Variants in BNC2 observed in about 807,000 individuals in gnomAD.
BNC2 encodes the protein basonuclin zinc finger protein 2.
BNC2 carries 20 observed loss-of-function variants against 76.3 expected under a neutral mutation model. The observed-to-expected ratio is 0.26, with a 90% CI of 0.18 to 0.38. The LOEUF (loss-of-function observed/expected upper bound fraction) is 0.38. Ranked by LOEUF, BNC2 falls within the 10% of genes least tolerant of loss-of-function variation. The pLI, the probability that BNC2 is intolerant of heterozygous loss-of-function variation, is 1.00. For synonymous variants in BNC2, 582 were observed against 514.8 expected (o/e 1.13, Z -1.77); for missense variants, 1,382 against 1,399.8 (o/e 0.99, Z 0.20).
At chr9:16,656,513 G>A (rs1302802603) in intron 3 of BNC2, among the ~76,000 whole-genome samples, 2 of 152,128 alleles carry the variant, frequency 1.3e-5, no homozygotes, top group Non-Finnish European at 2.9e-5. Flanking sequence ...ATTTGCTGAG[G>A]TATAACTGGT....
chr9:16,857,003 A>T (rs1377557062), intron 1 of BNC2, among the ~76,000 whole-genome samples: 1 of 152,216 alleles, frequency 6.6e-6, no homozygotes, highest in African/African-American at 2.4e-5. Context: ...AGCATATATG[A>T]TTTTGTCAGT....
At chr9:16,710,765 G>C (rs944068972) in intron 3 of BNC2, among the ~76,000 whole-genome samples, 1 of 150,584 alleles carries the variant, frequency 6.6e-6, no homozygotes, top group Non-Finnish European at 1.5e-5. Context: ...ACTCACCTAA[G>C]GGGTTAAAAG....
At chr9:16,791,988 A>G (rs1309448313) in intron 1 of BNC2, among the ~76,000 whole-genome samples, 1 of 151,708 alleles carries the variant, frequency 6.6e-6, no homozygotes, top group Non-Finnish European at 1.5e-5. Context: ...TGTGGTCCCA[A>G]CTACTTGGGA....
intron 5 of BNC2, among the ~76,000 whole-genome samples, chr9:16,460,676 A>G (rs1438915720): frequency 6.6e-6 from 1 of 152,144 alleles, no homozygotes; most frequent in Admixed American, 6.6e-5. Context: ...TGAGGCATGG[A>G]GTCACAGAGC....
intron 5 of BNC2, among the ~76,000 whole-genome samples, chr9:16,449,248 T>G (rs755851531): frequency 6.6e-6 from 1 of 152,152 alleles, no homozygotes; most frequent in Non-Finnish European, 1.5e-5. Context: ...CGGTAGTCAT[T>G]TGGAGAGCTG....
At chr9:16,722,793 T>C (rs754388029) in intron 3 of BNC2, among the ~76,000 whole-genome samples, 1 of 152,208 alleles carries the variant, frequency 6.6e-6, no homozygotes, top group Non-Finnish European at 1.5e-5. Context: ...GAATACCATA[T>C]ATATAAACTG....
intron 5 of BNC2, among the ~76,000 whole-genome samples, chr9:16,459,884 G>C (rs910845991): frequency 6.6e-6 from 1 of 152,160 alleles, no homozygotes; most frequent in African/African-American, 2.4e-5. Flanking sequence ...TATGGCCACA[G>C]CTGCCAGCTA....
chr9:16,450,487 A>G lies in BNC2; in HGVS notation c.670-12963T>C, dbSNP rs781626390. Among the ~76,000 whole-genome samples, 31 of 152,226 alleles carry G rather than the reference A, an allele frequency of 2.0e-4. 1 individual carries two copies. The highest frequency in any genetic ancestry group is 7.2e-4 in the Admixed American group (11 of 15,270). On this transcript the variant is annotated intron_variant, in intron 5 of 6. Transcript: ENST00000380672. Reference sequence around the variant, plus strand: ...GTAAAATATTCAAAATGCTTCCACTATATGACACCAAGGTGGCTGATAACT... The same window carrying G: ...GTAAAATATTCAAAATGCTTCCACTGTATGACACCAAGGTGGCTGATAACT...
At chr9:16,656,839 G>A (rs1821944475) in intron 3 of BNC2, among the ~76,000 whole-genome samples, 1 of 152,098 alleles carries the variant, frequency 6.6e-6, no homozygotes, top group Non-Finnish European at 1.5e-5. Context: ...CCTCACAGAG[G>A]GAATCTTTAC....
At chr9:16,770,503 T>TATGA (rs1228961735) in intron 1 of BNC2, among the ~76,000 whole-genome samples, 2 of 152,132 alleles carry the variant, frequency 1.3e-5, no homozygotes, top group African/African-American at 4.8e-5. Flanking sequence ...AAATGACCCA[T>TATGA]ATGAATACTG....
chr9:16,778,604 TAAAAGG>T (rs1232822141), intron 1 of BNC2, among the ~76,000 whole-genome samples: 13 of 152,308 alleles, frequency 8.5e-5, no homozygotes, highest in African/African-American at 3.1e-4. Context: ...ATTTTGCAGA[TAAAAGG>T]CTCAAAAGGA....
In BNC2 at chr9:16,409,762, A is replaced by C. The variant is rs1371730398; in HGVS notation, c.*9227T>G. On this transcript the variant is annotated 3_prime_UTR_variant, in exon 7 of 7. Coordinates refer to ENST00000380672, the MANE Select transcript of BNC2 (RefSeq NM_017637.6). ...AAAACAAAAATAAAACCCTTGTTCA[A>C]GGTACATACAGTATTTAGGAAGCTA... 1 of 152,660 alleles carries C rather than the reference A, an allele frequency of 6.6e-6. No homozygotes were observed. The highest frequency in any genetic ancestry group is 1.5e-5 in the Non-Finnish European group (1 of 68,046). The allele number at this position is 152,660 out of a possible 1,614,324, so 9.5% of individuals were successfully genotyped here.
At chr9:16,829,873 C>G (rs140425749) in intron 1 of BNC2, among the ~76,000 whole-genome samples, 3,162 of 152,222 alleles carry the variant, frequency 0.021, 62 homozygotes, top group South Asian at 0.1. Flanking sequence ...AAATGCCCCC[C>G]TAAAGAAAAT....
chr9:16,609,280 A>G (rs1024210558), intron 3 of BNC2, among the ~76,000 whole-genome samples: 7 of 152,206 alleles, frequency 4.6e-5, no homozygotes, highest in Non-Finnish European at 1.0e-4. Flanking sequence ...TAAAACCCAC[A>G]GTATCCTCAA....
intron 1 of BNC2, among the ~76,000 whole-genome samples, chr9:16,811,624 C>A (rs143111771): frequency 6.7e-6 from 1 of 148,982 alleles, no homozygotes; most frequent in Non-Finnish European, 1.5e-5. Flanking sequence ...CATGGACTGA[C>A]TATTCAGTAC....
intron 1 of BNC2, among the ~76,000 whole-genome samples, chr9:16,837,356 T>A (rs1818730817): frequency 6.6e-6 from 1 of 151,826 alleles, no homozygotes; most frequent in African/African-American, 2.4e-5. Context: ...ATACAAAAAT[T>A]AGCCGAGCGT....
chr9:16,817,011 G>C (rs1158155717), intron 1 of BNC2, among the ~76,000 whole-genome samples: 1 of 152,202 alleles, frequency 6.6e-6, no homozygotes, highest in Non-Finnish European at 1.5e-5. Flanking sequence ...AGAAAGTGGA[G>C]AGGGTGAAGA....
chr9:16,797,337 G>A (rs1004162944), intron 1 of BNC2, among the ~76,000 whole-genome samples: 2 of 152,040 alleles, frequency 1.3e-5, no homozygotes. Context: ...ATGAGGTTGG[G>A]GGCACTGTAG....
At chr9:16,672,074 C>A (rs939412425) in intron 3 of BNC2, among the ~76,000 whole-genome samples, 31 of 152,216 alleles carry the variant, frequency 2.0e-4, no homozygotes, top group Non-Finnish European at 5.9e-5. Flanking sequence ...ACTCTGCTAA[C>A]AGCAAGGGGT....
Sources: gnomAD v4.1 joint callset for allele counts (sites outside exome capture counted in the v4.1 genomes callset) on GRCh38, gnomAD v4.1.1 for gene constraint, MANE v1.5 for transcripts, NCBI Gene and HGNC (gene_info 2026-07-23, HGNC 2026-07-21) for gene names.